CEP76: variants seen among roughly 807,000 people sequenced by gnomAD.
CEP76 encodes the protein centrosomal protein 76, also known as centrosomal protein of 76 kDa.
In CEP76, 55 loss-of-function variants were observed where a neutral mutation model predicts 83.3. That is an observed-to-expected ratio of 0.66 (90% CI 0.53 to 0.83). The LOEUF (loss-of-function observed/expected upper bound fraction) is 0.83, where lower values mean the gene tolerates loss of function less well. CEP76 is among the 40% of genes least tolerant of loss of function. The pLI is 0.00. For missense variants in CEP76, 694 were observed against 799.5 expected (o/e 0.87, Z 1.59); for synonymous variants, 270 against 274.5 (o/e 0.98, Z 0.16).
intron 4 of CEP76, among the ~76,000 whole-genome samples, chr18:12,698,477 A>AT (rs2040038991): frequency 1.3e-5 from 2 of 151,910 alleles, no homozygotes; most frequent in African/African-American, 2.4e-5. Flanking sequence ...CCTATTTTTT[A>AT]TTTTTTGTAG....
intron 7 of CEP76, among the ~76,000 whole-genome samples, chr18:12,688,076 C>T (rs1598641471): frequency 6.6e-6 from 1 of 151,404 alleles, no homozygotes; most frequent in African/African-American, 2.4e-5. Context: ...ACCCCATCTC[C>T]ACTAAAAATA....
chr18:12,665,322 G>T (rs112442588), intron 12 of CEP76, among the ~76,000 whole-genome samples: 19 of 152,326 alleles, frequency 1.2e-4, no homozygotes, highest in African/African-American at 4.6e-4. Flanking sequence ...AGCTACTCGG[G>T]AGGCTGAGGT....
At chr18:12,698,528 G>A (rs2040040817) in intron 4 of CEP76, among the ~76,000 whole-genome samples, 1 of 152,058 alleles carries the variant, frequency 6.6e-6, no homozygotes, top group Non-Finnish European at 1.5e-5. Flanking sequence ...TTGAACTCCT[G>A]GCTTCAAATG....
intron 6 of CEP76, among the ~76,000 whole-genome samples, chr18:12,694,981 C>T (rs1356143221): frequency 1.3e-5 from 2 of 151,990 alleles, no homozygotes; most frequent in Non-Finnish European, 2.9e-5. Context: ...TCCCAAAGTG[C>T]TGGGACTACA....
At chr18:12,664,761 C>A (rs2038771515) in intron 12 of CEP76, among the ~76,000 whole-genome samples, 1 of 149,466 alleles carries the variant, frequency 6.7e-6, no homozygotes, top group Non-Finnish European at 1.5e-5. Flanking sequence ...TGCAGTGGTA[C>A]AATCTCAGCT....
intron 7 of CEP76, among the ~76,000 whole-genome samples, chr18:12,687,651 G>C (rs953498206): frequency 6.6e-6 from 1 of 151,294 alleles, no homozygotes; most frequent in Admixed American, 6.6e-5. Context: ...GGGGTTTCAC[G>C]ATGTTGACCA....
At chr18:12,668,594 T>A (rs2038853587), downstream of CEP76, among the ~76,000 whole-genome samples, 1 of 15,962 alleles carries the variant, frequency 6.3e-5, no homozygotes, top group African/African-American at 2.7e-4. Flanking sequence ...TAAGATTCCA[T>A]CTCAAAAAAA....
chr18:12,699,383 T>C (rs2040073016), intron 3 of CEP76, among the ~76,000 whole-genome samples, 180 bp from the exon 4 acceptor site: 1 of 152,268 alleles, frequency 6.6e-6, no homozygotes, highest in Non-Finnish European at 1.5e-5. Flanking sequence ...GGGGAGAAGA[T>C]ACACAAAATA....
At chr18:12,668,597 C>CAAAAAA (rs752216074), downstream of CEP76, among the ~76,000 whole-genome samples, 928 of 72,664 alleles carry the variant, frequency 0.013, 63 homozygotes, top group Middle Eastern at 0.02. Flanking sequence ...GATTCCATCT[C>CAAAAAA]AAAAAAAAAA....
In CEP76 at chr18:12,677,237, C is replaced by T. The variant is rs117132149; in HGVS notation, c.1623+872G>A. On this transcript the variant is annotated intron_variant, in intron 10 of 11. Transcript: ENST00000262127. ...GGAGGCTGAGGCAGGTAGATCACTT[C>T]GAGATCAGCCTGGCCAACATGGTGA... Among the ~76,000 whole-genome samples the T allele has an allele frequency of 7.8e-3, 1,188 of 151,990 alleles. 10 individuals are homozygous for T. The highest frequency in any genetic ancestry group is 0.014 in the Admixed American group (211 of 15,244).
At position 12,699,813 on chromosome 18, in the gene CEP76, T is replaced by C; in HGVS notation, c.295+17A>G. On this transcript the variant is annotated intron_variant, in intron 3 of 11. Coordinates refer to ENST00000262127, the MANE Select transcript of CEP76 (RefSeq NM_024899.4). ...TTACTATTAACCACAACTAAATTAA[T>C]GTTAAAATATACATACTTTTTTTTA... The C allele has an allele frequency of 7.3e-7, 1 of 1,372,698 alleles. No individual in the cohort carries two copies. Among genetic ancestry groups the C allele is most frequent in the Non-Finnish European group, 1.0e-6 (1 of 993,006 alleles). 85.0% of individuals were successfully genotyped at this position (1,372,698 alleles called of 1,614,324 possible). A position where few individuals can be genotyped will look rare whatever the true frequency, so the allele number is the denominator to read the frequency against.
intron 12 of CEP76, among the ~76,000 whole-genome samples, chr18:12,665,376 G>C (rs1367888320): frequency 2.6e-5 from 4 of 152,082 alleles, no homozygotes; most frequent in Non-Finnish European, 5.9e-5. Context: ...GCAGTGAATC[G>C]AGTTCATGCC....
At position 12,672,875 on chromosome 18, in the gene CEP76, C is replaced by T; in HGVS notation, c.*490G>A. 1.0e-6 allele frequency: 1 copy of T among 985,366 alleles called. No individual in the cohort carries two copies. Among genetic ancestry groups the T allele is most frequent in the Non-Finnish European group, 1.2e-6 (1 of 829,822 alleles). 61.0% of individuals were successfully genotyped at this position (985,366 alleles called of 1,614,324 possible). On this transcript the variant is annotated 3_prime_UTR_variant, in exon 12 of 12. Transcript: ENST00000262127. ...TATCCCAAGGACCACGAATAAACCA[C>T]AAAAGTGGTAATTCATTAACATTTA... is the stretch of plus-strand genomic sequence containing the variant.
chr18:12,680,325 G>A (rs966264307), intron 9 of CEP76, among the ~76,000 whole-genome samples: 4 of 152,144 alleles, frequency 2.6e-5, no homozygotes, highest in African/African-American at 9.7e-5. Context: ...GCCGGACACA[G>A]TGGCTCACGC....
intron 10 of CEP76, among the ~76,000 whole-genome samples, chr18:12,677,400 T>C (rs2039176953): frequency 7.3e-6 from 1 of 137,144 alleles, no homozygotes; most frequent in African/African-American, 2.8e-5. Context: ...ATCACGCCAC[T>C]GTGCCAAGAT....
chr18:12,693,978 T>G (rs2039861324), intron 6 of CEP76, among the ~76,000 whole-genome samples: 1 of 152,098 alleles, frequency 6.6e-6, no homozygotes, highest in South Asian at 2.1e-4. Flanking sequence ...ACTACAAGTA[T>G]GTACCACCAT....
intron 11 of CEP76, among the ~76,000 whole-genome samples, chr18:12,673,956 TC>T (rs1160658995): frequency 6.6e-6 from 1 of 152,200 alleles, no homozygotes; most frequent in African/African-American, 2.4e-5. Context: ...GTCAAGCTAT[TC>T]AAATTATAGA....
At chr18:12,684,659 T>C (rs1478821947) in intron 8 of CEP76, 8 of 151,916 alleles carry the variant, frequency 5.3e-5, no homozygotes, top group Admixed American at 5.3e-4. Flanking sequence ...TTTTGTATTT[T>C]TTCAGTAGAG....
downstream of CEP76, among the ~76,000 whole-genome samples, chr18:12,669,953 C>CGGTG (rs55774905): frequency 6.7e-6 from 1 of 149,628 alleles, no homozygotes; most frequent in African/African-American, 2.5e-5. Flanking sequence ...GCCGAGATTG[C>CGGTG]ACCATTGCAC....
Sources: allele counts gnomAD v4.1 joint callset (sites outside exome capture counted in the v4.1 genomes callset), GRCh38; gene constraint gnomAD v4.1.1; transcripts MANE v1.5; gene names NCBI Gene and HGNC (gene_info 2026-07-23, HGNC 2026-07-21).